The following KRT79 variants were observed in gnomAD, a reference collection of about 807,000 sequenced individuals.
The protein encoded by KRT79 is keratin 79.
KRT79 carries 51 observed loss-of-function variants against 49.0 expected under a neutral mutation model. That is an observed-to-expected ratio of 1.04 (90% CI 0.83 to 1.31). The LOEUF (loss-of-function observed/expected upper bound fraction) is 1.31, where lower values mean the gene tolerates loss of function less well. Among genes scored for constraint, KRT79 ranks in the 40% most tolerant of loss-of-function variants. The pLI is 0.00. For synonymous variants in KRT79, 312 were observed against 286.6 expected (o/e 1.09, Z -0.90); for missense variants, 728 against 688.0 (o/e 1.06, Z -0.65).
At chr12:52,823,266 C>A (rs765304672) in intron 6 of KRT79, 30 bp from the exon 7 acceptor site, 2 of 1,585,988 alleles carry the variant, frequency 1.3e-6, no homozygotes, top group South Asian at 2.2e-5. Flanking sequence ...GTTGGAAGCA[C>A]CCTCCGGGGT....
At chr12:52,825,105 A>C (rs559728080) in intron 4 of KRT79, among the ~76,000 whole-genome samples, 6 of 152,328 alleles carry the variant, frequency 3.9e-5, no homozygotes, top group Admixed American at 1.3e-4. Flanking sequence ...CCTTGGGACC[A>C]GTGGGATCGC....
At position 52,821,811 on chromosome 12, in the gene KRT79, A is replaced by G. The variant is rs2121273020; in HGVS notation, c.*61T>C. 6.8e-7 allele frequency: 1 copy of G among 1,469,836 alleles called. No individual in the cohort carries two copies. 91.0% of individuals were successfully genotyped at this position (1,469,836 alleles called of 1,614,324 possible). ...CTCCTGAGAAGTGACTGGAAAGGAC[A>G]GCAGAGGTGGGGTGAGGAGGGCAGG... On this transcript the variant is annotated 3_prime_UTR_variant, in exon 9 of 9. Transcript: ENST00000330553.
intron 4 of KRT79, among the ~76,000 whole-genome samples, chr12:52,825,170 G>T (rs1388821404): frequency 6.6e-6 from 1 of 152,098 alleles, no homozygotes; most frequent in Non-Finnish European, 1.5e-5. Flanking sequence ...CTCTCCCATG[G>T]TCCTTCCTGC....
At chr12:52,822,496 C>A (rs913633282) in intron 7 of KRT79, 117 bp from the exon 8 acceptor site, 3 of 721,176 alleles carry the variant, frequency 4.2e-6, no homozygotes, top group Non-Finnish European at 6.9e-6. Context: ...ATGACAAGAC[C>A]AGGAAACATG....
intron 1 of KRT79, among the ~76,000 whole-genome samples, chr12:52,832,579 C>T (rs1940270565): frequency 6.6e-6 from 1 of 151,996 alleles, no homozygotes. Context: ...GGGACAGTCC[C>T]ACAGGAAAAC....
chr12:52,829,149 C>T (rs967796523), intron 4 of KRT79, among the ~76,000 whole-genome samples: 1 of 152,134 alleles, frequency 6.6e-6, no homozygotes, highest in Non-Finnish European at 1.5e-5. Flanking sequence ...GTCTTGAGGT[C>T]CCTGCGGACC....
intron 4 of KRT79, among the ~76,000 whole-genome samples, chr12:52,827,632 G>A (rs1940195323): frequency 6.6e-6 from 1 of 152,172 alleles, no homozygotes. Flanking sequence ...AAGCAATCCA[G>A]CCAAGGATAA....
intron 4 of KRT79, among the ~76,000 whole-genome samples, chr12:52,828,561 C>T (rs932625771): frequency 2.6e-5 from 4 of 152,164 alleles, no homozygotes; most frequent in Non-Finnish European, 5.9e-5. Flanking sequence ...GTTGGGATGA[C>T]ACCACAGTGG....
chr12:52,833,739 C>G (rs374912545), intron 1 of KRT79, 45 bp downstream of exon 1: 167 of 1,514,618 alleles, frequency 1.1e-4, no homozygotes, highest in Non-Finnish European at 1.4e-4. Context: ...TTAGAGGTCC[C>G]GCTTCTTCCC....
chr12:52,825,946 G>A (rs1006692212), intron 4 of KRT79, among the ~76,000 whole-genome samples: 1 of 152,114 alleles, frequency 6.6e-6, no homozygotes, highest in African/African-American at 2.4e-5. Flanking sequence ...GCTGAGTAAA[G>A]TGCATTCTTA....
At chr12:52,833,151 A>G (rs1273832983) in intron 1 of KRT79, among the ~76,000 whole-genome samples, 3 of 152,136 alleles carry the variant, frequency 2.0e-5, no homozygotes, top group Non-Finnish European at 2.9e-5. Context: ...CAAATTCCAC[A>G]TTCCCAGAGC....
In KRT79 at chr12:52,830,220, C is replaced by T. The variant is rs750826975; in HGVS notation, c.759+12G>A. The T allele has an allele frequency of 2.5e-6, 4 of 1,614,196 alleles. No individual in the cohort carries two copies. The highest frequency in any genetic ancestry group is 3.4e-6 in the Non-Finnish European group (4 of 1,180,014). On this transcript the variant is annotated intron_variant, in intron 3 of 8. Transcript: ENST00000330553. ...AGCCAAAGGACCACCTCCCCCACTC[C>T]ACTCGGCTCACCTTCTTGAGCACCA...
rs773571250 is a variant in KRT79 at position 52,821,669 on chromosome 12, T to A, written c.*203A>T. The A allele has an allele frequency of 1.7e-6, 1 of 596,714 alleles. No homozygotes were observed. The highest frequency in any genetic ancestry group is 3.0e-6 in the Non-Finnish European group (1 of 336,928). The allele number at this position is 596,714 out of a possible 1,614,324, so 37.0% of individuals were successfully genotyped here. On this transcript the variant is annotated 3_prime_UTR_variant, in exon 9 of 9. Coordinates refer to ENST00000330553, the MANE Select transcript of KRT79 (RefSeq NM_175834.3). ...TCACTCAAGCTGGCAACTTTAACCT[T>A]CCCTCCCATCCTACTGCAGGACCAA...
chr12:52,824,393 C>T (rs1333921272), intron 4 of KRT79, 31 bp from the exon 5 acceptor site: 3 of 1,607,466 alleles, frequency 1.9e-6, no homozygotes, highest in Admixed American at 3.3e-5. Flanking sequence ...GCCACCAGCA[C>T]CCCTGCTCCA....
In KRT79 at chr12:52,824,316, A is replaced by G. The variant is rs753928251; in HGVS notation, c.902T>C (p.Leu301Pro). Residue 301 changes from leucine (L) to proline (P), a missense_variant, in exon 5 of 9, where the codon CTG becomes CCG. Transcript: ENST00000330553. ...CAGGTTGCGGTTGTTGTCCATGGACAGCACCACATTGGTGTTAGACACGTG... is the reference window on the plus strand; with the variant it reads ...CAGGTTGCGGTTGTTGTCCATGGACGGCACCACATTGGTGTTAGACACGTG... Reference protein sequence around the residue: ...QTHVSNTNVVLSMDNNRNLDL... With the variant: ...QTHVSNTNVVPSMDNNRNLDL... 1.9e-6 allele frequency: 3 copies of G among 1,614,236 alleles called. No homozygotes were observed. The highest frequency in any genetic ancestry group is 1.7e-6 in the Non-Finnish European group (2 of 1,180,044).
chr12:52,828,377 C>A (rs988930158), intron 4 of KRT79, among the ~76,000 whole-genome samples: 14 of 152,196 alleles, frequency 9.2e-5, no homozygotes, highest in African/African-American at 3.1e-4. Flanking sequence ...TGAAGACCCA[C>A]AGGACTTTGT....
Position 52,821,753 on chromosome 12 carries a change from T to C in KRT79, c.*119A>G. ...AGATGCAAATAGTCTGGTATGAAAA[T>C]ACCCTGGGTCTGAGGTCCCCTGGCT... On this transcript the variant is annotated 3_prime_UTR_variant, in exon 9 of 9. Transcript: ENST00000330553. 1 of 849,644 alleles carries C rather than the reference T, an allele frequency of 1.2e-6. No individual in the cohort carries two copies. Among genetic ancestry groups the C allele is most frequent in the Non-Finnish European group, 1.9e-6 (1 of 536,606 alleles). 52.6% of individuals were successfully genotyped at this position (849,644 alleles called of 1,614,324 possible).
At position 52,834,111 on chromosome 12, in the gene KRT79, A is replaced by G; in HGVS notation, c.150T>C (p.Cys50=). ...RSSGSGGGAH[C]GPGTGGFGSR... ...TGCCAAAGCCACCTGTGCCGGGGCC[A>G]CAGTGGGCCCCGCCACCACTGCCAC... Residue 50 remains cysteine, a synonymous_variant, in exon 1 of 9, where the codon TGT becomes TGC. Transcript: ENST00000330553. The G allele has an allele frequency of 6.2e-7, 1 of 1,613,134 alleles. No individual in the cohort carries two copies. The highest frequency in any genetic ancestry group is 1.1e-5 in the South Asian group (1 of 91,058).
In KRT79 at chr12:52,830,100, T is replaced by G. The variant is rs774172613; in HGVS notation, c.778A>C (p.Met260Leu). Residue 260 changes from methionine (M) to leucine (L), a missense_variant, in exon 4 of 9, where the codon ATG (methionine) becomes CTG (leucine). Transcript: ENST00000330553. ...VLKKDVDAAY[M>L]GRMDLHGKVG... ...TTGCCATGCAGATCCATCCGGCCCA[T>G]GTATGCTGCATCCACATCCTGGGGA... The G allele has an allele frequency of 6.2e-7, 1 of 1,614,142 alleles. No individual in the cohort carries two copies. The highest frequency in any genetic ancestry group is 1.1e-5 in the South Asian group (1 of 91,086).
Sources: gnomAD v4.1 joint callset for allele counts (sites outside exome capture counted in the v4.1 genomes callset) on GRCh38, gnomAD v4.1.1 for gene constraint, MANE v1.5 for transcripts, NCBI Gene and HGNC (gene_info 2026-07-23, HGNC 2026-07-21) for gene names.